Variants in ZBTB40 observed in about 807,000 individuals in gnomAD.
ZBTB40 encodes the protein zinc finger and BTB domain-containing protein 40.
A neutral mutation model predicts 117.5 loss-of-function variants in ZBTB40; 60 were observed. The observed-to-expected ratio is 0.51, with a 90% confidence interval of 0.41 to 0.63. The LOEUF is 0.63. ZBTB40 is among the 30% of genes least tolerant of loss of function. The pLI, the probability that ZBTB40 is intolerant of heterozygous loss-of-function variation, is 0.00. For synonymous variants in ZBTB40, 525 were observed against 577.1 expected (o/e 0.91, Z 1.29); for missense variants, 1,287 against 1,498.5 (o/e 0.86, Z 2.33).
chr1:22,504,797 T>A (rs1639035475), intron 5 of ZBTB40, among the ~76,000 whole-genome samples: 1 of 152,206 alleles, frequency 6.6e-6, no homozygotes, highest in Admixed American at 6.5e-5. Flanking sequence ...ATATTAGAAC[T>A]GCAATTTGAA....
chr1:22,485,604 T>A (rs1303115052), intron 1 of ZBTB40, among the ~76,000 whole-genome samples: 1 of 152,162 alleles, frequency 6.6e-6, no homozygotes, highest in East Asian at 1.9e-4. Context: ...GTGGTGTCTG[T>A]CATTAATTTG....
In ZBTB40 at chr1:22,526,816, G is replaced by C. The variant is rs1375173009; in HGVS notation, c.*420G>C. 7.0e-6 allele frequency: 2 copies of C among 285,530 alleles called. No individual in the cohort carries two copies. The highest frequency in any genetic ancestry group is 1.8e-4 in the East Asian group (2 of 11,112). The allele number at this position is 285,530 out of a possible 1,614,324, so 17.7% of individuals were successfully genotyped here. On this transcript the variant is annotated 3_prime_UTR_variant, in exon 18 of 18. Coordinates refer to ENST00000375647, the MANE Select transcript of ZBTB40 (RefSeq NM_014870.4). ...ATATGGGACTTGGCCCACAGTGGGG[G>C]CTGCAAATGCTGCCACTGCCTCTGG...
chr1:22,442,553 C>T (rs1264031419), intron 1 of ZBTB40, among the ~76,000 whole-genome samples: 1 of 152,210 alleles, frequency 6.6e-6, no homozygotes, highest in East Asian at 1.9e-4. Context: ...TTGAGAACTG[C>T]TTACAATATA....
intron 1 of ZBTB40, among the ~76,000 whole-genome samples, chr1:22,429,142 G>T (rs145425315): frequency 6.6e-6 from 1 of 152,158 alleles, no homozygotes; most frequent in East Asian, 1.9e-4. Flanking sequence ...CAGCACTTTG[G>T]GGGGCCGAGG....
At chr1:22,477,648 C>CAAAAA (rs773354092) in intron 1 of ZBTB40, among the ~76,000 whole-genome samples, 9 of 66,606 alleles carry the variant, frequency 1.4e-4, no homozygotes, top group Non-Finnish European at 1.2e-4. Context: ...GACTCTGTCT[C>CAAAAA]AAAAAAAAAA....
chr1:22,521,785 C>G, intron 15 of ZBTB40, 127 bp downstream of exon 15: 3 of 1,366,856 alleles, frequency 2.2e-6, no homozygotes, highest in Non-Finnish European at 3.1e-6. Flanking sequence ...TTGTTCTGCC[C>G]CAGCGCACCT....
chr1:22,520,024 T>G (rs1639477234), intron 13 of ZBTB40, 37 bp from the exon 14 acceptor site: 1 of 1,597,900 alleles, frequency 6.3e-7, no homozygotes, highest in African/African-American at 1.3e-5. Flanking sequence ...TCTTTTCCTC[T>G]CCACCTCTTC....
In ZBTB40 at chr1:22,522,450, G is replaced by A. The variant is rs778294233; in HGVS notation, c.3285G>A (p.Lys1095=). ...CAGCCTTGCTGCAGGTTCATGTCAA[G>A]TGCCAGCATTCAGGTCAGTACCCCT... The part of the protein sequence containing the change: ...PTPALLQVHV[K]CQHSGSQPFR... The change falls in exon 16 of 18, where the codon AAG becomes AAA. Residue 1095 remains lysine, a synonymous_variant. Coordinates refer to ENST00000375647, the MANE Select transcript of ZBTB40 (RefSeq NM_014870.4). The A allele has an allele frequency of 1.4e-5, 23 of 1,614,084 alleles. 1 individual carries two copies. In the South Asian group the frequency reaches 2.4e-4, roughly 17 times the overall value.
chr1:22,489,055 T>C (rs1638551270), intron 1 of ZBTB40, among the ~76,000 whole-genome samples: 1 of 152,190 alleles, frequency 6.6e-6, no homozygotes, highest in African/African-American at 2.4e-5. Context: ...ACAGAATTGC[T>C]GTGAGGTGGG....
upstream of ZBTB40, among the ~76,000 whole-genome samples, chr1:22,448,027 C>T (rs537887365): frequency 3.5e-4 from 53 of 152,294 alleles, no homozygotes; most frequent in South Asian, 0.01. Flanking sequence ...GACATTTGAC[C>T]GGACAGCAGC....
intron 15 of ZBTB40, 43 bp from the exon 16 acceptor site, chr1:22,522,334 C>G: frequency 6.2e-7 from 1 of 1,600,810 alleles, no homozygotes; most frequent in Non-Finnish European, 8.6e-7. Flanking sequence ...GAGAGCCAAC[C>G]ATTTGTTCTT....
intron 1 of ZBTB40, among the ~76,000 whole-genome samples, chr1:22,477,809 A>G (rs1641587770): frequency 1.3e-5 from 2 of 152,164 alleles, no homozygotes; most frequent in South Asian, 4.1e-4. Flanking sequence ...CGGCCTCTCA[A>G]AGTGCTGGGA....
intron 1 of ZBTB40, among the ~76,000 whole-genome samples, chr1:22,469,806 C>G (rs1001113984): frequency 1.3e-4 from 20 of 152,122 alleles, no homozygotes; most frequent in African/African-American, 4.8e-4. Context: ...CAAAGTGCTG[C>G]TATTACAGGT....
At chr1:22,464,419 G>A (rs1399070110) in intron 1 of ZBTB40, among the ~76,000 whole-genome samples, 2 of 152,160 alleles carry the variant, frequency 1.3e-5, no homozygotes, top group Non-Finnish European at 2.9e-5. Context: ...ATTGATTTGG[G>A]TTCAAACCCT....
At chr1:22,463,878 T>C (rs1641190998) in intron 1 of ZBTB40, among the ~76,000 whole-genome samples, 1 of 152,204 alleles carries the variant, frequency 6.6e-6, no homozygotes, top group African/African-American at 2.4e-5. Context: ...ATGGAGAGAA[T>C]CTGGAAAAAG....
At chr1:22,444,419 T>C (rs1640766816) in intron 1 of ZBTB40, among the ~76,000 whole-genome samples, 2 of 151,828 alleles carry the variant, frequency 1.3e-5, no homozygotes, top group South Asian at 2.1e-4. Context: ...CGTCTCAAAA[T>C]AAAATAAAAT....
intron 1 of ZBTB40, among the ~76,000 whole-genome samples, chr1:22,473,255 G>A (rs1392681318): frequency 1.3e-5 from 2 of 152,138 alleles, no homozygotes; most frequent in East Asian, 1.9e-4. Flanking sequence ...TCATTAGCAA[G>A]ATCCGCAGGT....
At chr1:22,458,471 T>G (rs999049581) in intron 1 of ZBTB40, among the ~76,000 whole-genome samples, 1 of 152,250 alleles carries the variant, frequency 6.6e-6, no homozygotes, top group Admixed American at 6.5e-5. Flanking sequence ...GCTTCAAGGC[T>G]GCTCCCTCTC....
intron 1 of ZBTB40, among the ~76,000 whole-genome samples, chr1:22,468,139 G>A (rs941582078): frequency 3.3e-5 from 5 of 150,978 alleles, no homozygotes; most frequent in African/African-American, 1.2e-4. Flanking sequence ...ATTTACTGTT[G>A]ACAGTCACTT....
Sources: allele counts gnomAD v4.1 joint callset (sites outside exome capture counted in the v4.1 genomes callset), GRCh38; gene constraint gnomAD v4.1.1; transcripts MANE v1.5; gene names NCBI Gene and HGNC (gene_info 2026-07-23, HGNC 2026-07-21).